The following KAZALD1 variants were observed in gnomAD, a reference collection of about 807,000 sequenced individuals.
KAZALD1 encodes kazal-type serine protease inhibitor domain-containing protein 1.
Under a neutral mutation model 27.7 loss-of-function variants are expected in KAZALD1, and 31 were observed. The ratio of observed to expected loss-of-function variants is 1.12; its 90% CI spans 0.84 to 1.51. KAZALD1 has a LOEUF of 1.51. Ranked by LOEUF, KAZALD1 falls within the 40% of genes most tolerant of loss-of-function variation. The pLI is 0.00. For synonymous variants in KAZALD1, 179 were observed against 182.0 expected (o/e 0.98, Z 0.13); for missense variants, 444 against 408.9 (o/e 1.09, Z -0.74).
chr10:101,064,223 G>A, intron 2 of KAZALD1, 38 bp from the exon 3 acceptor site: 3 of 1,610,924 alleles, frequency 1.9e-6, no homozygotes, highest in Non-Finnish European at 2.5e-6. Context: ...GCCTTTGCTG[G>A]GCCATGCTAT....
At chr10:101,062,499 G>A in intron 1 of KAZALD1, 43 bp from the exon 2 acceptor site, 1 of 1,504,604 alleles carries the variant, frequency 6.6e-7, no homozygotes, top group Non-Finnish European at 8.8e-7. Context: ...TTTCGGCACA[G>A]GCCCTGTTTC....
chr10:101,064,795 TTC>T (rs1286370368), intron 4 of KAZALD1, 29 bp from the exon 5 acceptor site: 19 of 1,609,824 alleles, frequency 1.2e-5, no homozygotes, highest in Non-Finnish European at 1.6e-5. Flanking sequence ...CTCTCTCCTG[TTC>T]TCTCTTCTTT....
chr10:101,062,721 G>GATGCGGCTGC lies in KAZALD1; in HGVS notation c.130_139dup (p.Leu47HisfsTer64). 1 of 1,536,202 alleles carries GATGCGGCTGC rather than the reference G, an allele frequency of 6.5e-7. No individual in the cohort carries two copies. Among genetic ancestry groups the GATGCGGCTGC allele is most frequent in the Non-Finnish European group, 8.7e-7 (1 of 1,149,864 alleles). On this transcript the variant is annotated frameshift_variant, in exon 2 of 5. Transcript: ENST00000370200. LOFTEE classifies it high-confidence loss of function. ...GCCCAGATTACCTGCGGCGCGGCTG[G>GATGCGGCTGC]ATGCGGCTGCTAGCGGAGGGCGAGG...
Position 101,065,193 on chromosome 10 carries a change from G to A in KAZALD1, c.*273G>A, listed in dbSNP as rs1030371150. ...CCCTGGCCAGTAGGACCTCCAACAG[G>A]TTGTTTCCCAGGCTGGGGTGGGGGC... is the stretch of plus-strand genomic sequence containing the variant. On this transcript the variant is annotated 3_prime_UTR_variant, in exon 5 of 5. Coordinates refer to ENST00000370200, the MANE Select transcript of KAZALD1 (RefSeq NM_030929.5). 4 of 421,888 alleles carry A rather than the reference G, an allele frequency of 9.5e-6. No homozygotes were observed. The highest frequency in any genetic ancestry group is 1.7e-5 in the Non-Finnish European group (4 of 231,048). The allele number at this position is 421,888 out of a possible 1,614,324, so 26.1% of individuals were successfully genotyped here. A position where few individuals can be genotyped will look rare whatever the true frequency, so the allele number is the denominator to read the frequency against.
At position 101,064,432 on chromosome 10, in the gene KAZALD1, G is replaced by A. The variant is rs145993233; in HGVS notation, c.672+11G>A. The A allele has an allele frequency of 7.8e-4, 1,258 of 1,614,150 alleles. 6 individuals carry two copies. The African/African-American group carries it at 0.015, about 20-fold the overall frequency. On this transcript the variant is annotated intron_variant, in intron 3 of 4. Transcript: ENST00000370200. ...CACATCTCTGTGCAGGTAGACTGGT[G>A]GGAGAGGCTTCCCTCAGGCAGCCCA...
rs762331452 is a variant in KAZALD1 at position 101,062,671 on chromosome 10, C to T, written c.79C>T (p.Pro27Ser). Residue 27 changes from proline to serine, a missense_variant, in exon 2 of 5, where the codon CCG becomes TCG. Transcript: ENST00000370200. ...ACTGCTGGTGGTGCTGACGCCGCCC[C>T]CGACCGGCGCAAGGCCATCCCCAGG... ...LLLLVVLTPP[P>S]TGARPSPGPD... The T allele has an allele frequency of 3.9e-6, 6 of 1,548,698 alleles. No individual in the cohort carries two copies. The South Asian group carries it at 7.0e-5, about 18-fold the overall frequency.
At chr10:101,067,542 C>G (rs912757188), downstream of KAZALD1, 3 of 348,986 alleles carry the variant, frequency 8.6e-6, no homozygotes, top group Non-Finnish European at 1.7e-5. Context: ...CCTCTCTCCT[C>G]CATCTAGAGC....
downstream of KAZALD1, chr10:101,067,672 A>G (rs1939360618): frequency 5.9e-6 from 2 of 341,690 alleles, no homozygotes; most frequent in Non-Finnish European, 1.2e-5. Flanking sequence ...GCTCCAAAGA[A>G]GTGTTGCGCA....
In KAZALD1 at chr10:101,066,173, C is replaced by G. The variant is rs532910098; in HGVS notation, c.*1253C>G. The G allele has an allele frequency of 3.0e-6, 1 of 328,742 alleles. No homozygotes were observed. The highest frequency in any genetic ancestry group is 4.1e-5 in the Admixed American group (1 of 24,238). 20.4% of individuals were successfully genotyped at this position (328,742 alleles called of 1,614,324 possible). On this transcript the variant is annotated 3_prime_UTR_variant, in exon 5 of 5. Coordinates refer to ENST00000370200, the MANE Select transcript of KAZALD1 (RefSeq NM_030929.5). The stretch of plus-strand genomic sequence containing the variant: ...AGGAAAGAATGAAAGCATAAGTCAG[C>G]GAGGCCGAGGCGCTGTGTGTAGATG...
Position 101,066,387 on chromosome 10 carries a change from C to T in KAZALD1, c.*1467C>T, listed in dbSNP as rs1399040477. The T allele has an allele frequency of 2.2e-6, 1 of 456,644 alleles. No homozygotes were observed. Among genetic ancestry groups the T allele is most frequent in the East Asian group, 6.9e-5 (1 of 14,400 alleles). 28.3% of individuals were successfully genotyped at this position (456,644 alleles called of 1,614,324 possible). The stretch of plus-strand genomic sequence containing the variant: ...CCGCCCCTCCCGCGGCTACGCACTA[C>T]TCCATCTACTGCTGGCTTGCCCCGG... On this transcript the variant is annotated 3_prime_UTR_variant, in exon 5 of 5. Transcript: ENST00000370200.
At chr10:101,062,279 G>A (rs964364944) in intron 1 of KAZALD1, among the ~76,000 whole-genome samples, 164 bp downstream of exon 1, 1 of 152,164 alleles carries the variant, frequency 6.6e-6, no homozygotes, top group Non-Finnish European at 1.5e-5. Flanking sequence ...GGTGCTGGTG[G>A]TGGGTGTGCG....
In KAZALD1 at chr10:101,066,785, G is replaced by A. The variant is rs1482479794; in HGVS notation, c.*1865G>A. On this transcript the variant is annotated 3_prime_UTR_variant, in exon 5 of 5. Coordinates refer to ENST00000370200, the MANE Select transcript of KAZALD1 (RefSeq NM_030929.5). ...ACCGGAGAGGGTCACGCAGGTCCCG[G>A]GGAATCCGCACTCCTTAATCGCGTT... 1 of 338,656 alleles carries A rather than the reference G, an allele frequency of 3.0e-6. No homozygotes were observed. Among genetic ancestry groups the A allele is most frequent in the Non-Finnish European group, 5.8e-6 (1 of 172,170 alleles). The allele number at this position is 338,656 out of a possible 1,614,324, so 21.0% of individuals were successfully genotyped here. A position where few individuals can be genotyped will look rare whatever the true frequency, so the allele number is the denominator to read the frequency against.
In KAZALD1 at chr10:101,065,796, C is replaced by G. The variant is rs190049505; in HGVS notation, c.*876C>G. Among the ~76,000 whole-genome samples the G allele has an allele frequency of 6.6e-6, 1 of 152,244 alleles. No individual in the cohort carries two copies. The highest frequency in any genetic ancestry group is 2.1e-4 in the South Asian group (1 of 4,838). ...ATGGCTGGAGGGAAGTTATCTTCCC[C>G]GTCTGCCCTCCATTGGGGCTGATAT... On this transcript the variant is annotated 3_prime_UTR_variant, in exon 5 of 5. Transcript: ENST00000370200.
chr10:101,067,713 C>A (rs1266635894), downstream of KAZALD1: 1 of 354,568 alleles, frequency 2.8e-6, no homozygotes, highest in Admixed American at 4.0e-5. Flanking sequence ...GGTGTCCTGG[C>A]GAAGCCCAGC....
Position 101,065,189 on chromosome 10 carries a change from A to G in KAZALD1, c.*269A>G, listed in dbSNP as rs1939288890. ...GATGCCCTGGCCAGTAGGACCTCCA[A>G]CAGGTTGTTTCCCAGGCTGGGGTGG... On this transcript the variant is annotated 3_prime_UTR_variant, in exon 5 of 5. Transcript: ENST00000370200. 4.6e-6 allele frequency: 2 copies of G among 430,414 alleles called. No individual in the cohort carries two copies. The highest frequency in any genetic ancestry group is 7.6e-5 in the Admixed American group (2 of 26,288). The allele number at this position is 430,414 out of a possible 1,614,324, so 26.7% of individuals were successfully genotyped here. A position where few individuals can be genotyped will look rare whatever the true frequency, so the allele number is the denominator to read the frequency against.
At position 101,062,611 on chromosome 10, in the gene KAZALD1, C is replaced by G; in HGVS notation, c.19C>G (p.Pro7Ala). 6.3e-7 allele frequency: 1 copy of G among 1,581,960 alleles called. No homozygotes were observed. The highest frequency in any genetic ancestry group is 8.5e-7 in the Non-Finnish European group (1 of 1,173,026). The change falls in exon 2 of 5, where the codon CCC becomes GCC. Residue 7 changes from proline (P) to alanine (A), a missense_variant. By Grantham distance (27) the Pro-to-Ala change is conservative (BLOSUM62 -1). Coordinates refer to ENST00000370200, the MANE Select transcript of KAZALD1 (RefSeq NM_030929.5). ...GCTAACCATGCTGCCGCCGCCGCGG[C>G]CCGCAGCTGCCTTGGCGCTGCCTGT... MLPPPR[P>A]AAALALPVLL...
rs1465604622 is a variant in KAZALD1 at position 101,064,283 on chromosome 10, A to G, written c.534A>G (p.Pro178=). The change falls in exon 3 of 5, where the codon CCA becomes CCG. Residue 178 remains proline (P), a synonymous_variant. Coordinates refer to ENST00000370200, the MANE Select transcript of KAZALD1 (RefSeq NM_030929.5). ...CESGPQIVSH[P]YDTWNVTGQD... The stretch of plus-strand genomic sequence containing the variant: ...CAGGGCCCCAGATCGTGTCACATCC[A>G]TATGACACTTGGAATGTGACAGGGC... The G allele has an allele frequency of 6.2e-7, 1 of 1,614,156 alleles. No individual in the cohort carries two copies. The highest frequency in any genetic ancestry group is 8.5e-7 in the Non-Finnish European group (1 of 1,180,012).
chr10:101,067,135 A>G (rs1939343356), downstream of KAZALD1: 3 of 344,242 alleles, frequency 8.7e-6, no homozygotes, highest in African/African-American at 7.4e-5. Flanking sequence ...GGGGGAAGGC[A>G]GGGGAGGGGG....
chr10:101,066,255 GCCTGC>G lies in KAZALD1; in HGVS notation c.*1339_*1343del. 2.7e-6 allele frequency: 1 copy of G among 375,140 alleles called. No individual in the cohort carries two copies. Among genetic ancestry groups the G allele is most frequent in the East Asian group, 7.5e-5 (1 of 13,312 alleles). The allele number at this position is 375,140 out of a possible 1,614,324, so 23.2% of individuals were successfully genotyped here. ...CGGATCCTGGCGCCACTGCGGGAGG[GCCTGC>G]CCTTGGCTCAGCGTCAGAGTTTGTC... is the stretch of plus-strand genomic sequence containing the variant. On this transcript the variant is annotated 3_prime_UTR_variant, in exon 5 of 5. Coordinates refer to ENST00000370200, the MANE Select transcript of KAZALD1 (RefSeq NM_030929.5).
Sources: allele counts gnomAD v4.1 joint callset (sites outside exome capture counted in the v4.1 genomes callset), GRCh38; gene constraint gnomAD v4.1.1; transcripts MANE v1.5; gene names NCBI Gene and HGNC (gene_info 2026-07-23, HGNC 2026-07-21).